The following RBL1 variants were observed in gnomAD, a reference collection of about 807,000 sequenced individuals.
The protein encoded by RBL1 is RB transcriptional corepressor like 1, also known as retinoblastoma-like protein 1.
In RBL1, 82 loss-of-function variants were observed where a neutral mutation model predicts 123.0. The ratio of observed to expected loss-of-function variants is 0.67; its 90% CI spans 0.56 to 0.80. RBL1 has a LOEUF of 0.80. RBL1 is among the 30% of genes least tolerant of loss of function. RBL1 has a pLI of 0.00. For missense variants in RBL1, 1,171 were observed against 1,299.6 expected, an observed-to-expected ratio of 0.90 and a Z score of 1.52; for synonymous variants, 405 against 441.3, an observed-to-expected ratio of 0.92 and a Z score of 1.03.
intron 1 of RBL1, among the ~76,000 whole-genome samples, chr20:37,089,508 G>T (rs1297410348): frequency 6.6e-6 from 1 of 151,978 alleles, no homozygotes; most frequent in South Asian, 2.1e-4. Context: ...GCCAGGCATG[G>T]TGGTGCTTGC....
At position 37,018,375 on chromosome 20, in the gene RBL1, T is replaced by C; in HGVS notation, c.2632-6A>G. ...AGCAGAACACTTCTATATACCTACA[T>C]GCCAGAGGGGAAGAAAAGGACAGCT... On this transcript the variant is annotated splice_region_variant and splice_polypyrimidine_tract_variant and intron_variant, in intron 18 of 21. Transcript: ENST00000373664. 6.3e-7 allele frequency: 1 copy of C among 1,597,974 alleles called. No homozygotes were observed.
Position 36,998,879 on chromosome 20 carries a change from C to G in RBL1, c.3087G>C (p.Lys1029Asn). 6.2e-7 allele frequency: 1 copy of G among 1,613,700 alleles called. No homozygotes were observed. Among genetic ancestry groups the G allele is most frequent in the South Asian group, 1.1e-5 (1 of 91,066 alleles). Reference sequence around the variant, plus strand: ...CACTATCGATGGCTATTACTCGCTTCTTGGTTCTCTGCTCACCTTGCCTTA... The same window carrying G: ...CACTATCGATGGCTATTACTCGCTTGTTGGTTCTCTGCTCACCTTGCCTTA... ...NMIRQGEQRT[K>N]KRVIAIDSDA... The change falls in exon 22 of 22, where the codon AAG becomes AAC. Residue 1029 changes from lysine (K) to asparagine (N), a missense_variant. Transcript: ENST00000373664.
chr20:37,032,622 A>G (rs749645801), intron 16 of RBL1, 43 bp downstream of exon 16: 3 of 1,603,708 alleles, frequency 1.9e-6, no homozygotes, highest in Non-Finnish European at 2.6e-6. Context: ...TCTTTCTTCC[A>G]TTGATTAAAC....
intron 1 of RBL1, among the ~76,000 whole-genome samples, chr20:37,095,268 G>A (rs6031364): frequency 6.6e-6 from 1 of 152,016 alleles, no homozygotes; most frequent in Non-Finnish European, 1.5e-5. Flanking sequence ...GAGGTTAAAC[G>A]GCTCAGACCC....
chr20:37,009,888 G>T (rs190520671), intron 19 of RBL1, among the ~76,000 whole-genome samples: 2 of 152,086 alleles, frequency 1.3e-5, no homozygotes, highest in East Asian at 1.9e-4. Context: ...AACTAGGTGT[G>T]GTGGCATGCA....
At chr20:37,037,300 T>C (rs930550934) in intron 14 of RBL1, among the ~76,000 whole-genome samples, 2 of 152,218 alleles carry the variant, frequency 1.3e-5, no homozygotes, top group African/African-American at 2.4e-5. Context: ...GGAACAGCTA[T>C]GGTGGATGCT....
chr20:37,082,107 T>C (rs1008268860), intron 2 of RBL1: 3 of 439,976 alleles, frequency 6.8e-6, no homozygotes, highest in Non-Finnish European at 1.4e-5. Flanking sequence ...GGTTTCTCCC[T>C]CACTAAGGGA....
intron 7 of RBL1, among the ~76,000 whole-genome samples, chr20:37,063,467 A>G (rs1057124776): frequency 6.6e-6 from 1 of 152,154 alleles, no homozygotes; most frequent in Non-Finnish European, 1.5e-5. Context: ...TGGGCAACAC[A>G]GTGAGATCCC....
At chr20:37,005,068 C>T (rs1429922314) in intron 20 of RBL1, among the ~76,000 whole-genome samples, 3 of 151,820 alleles carry the variant, frequency 2.0e-5, no homozygotes, top group South Asian at 2.1e-4. Flanking sequence ...CTGGACAAGA[C>T]ACCAGGAGTT....
intron 12 of RBL1, among the ~76,000 whole-genome samples, chr20:37,045,414 T>A (rs1447381925): frequency 6.6e-6 from 1 of 151,866 alleles, no homozygotes; most frequent in Non-Finnish European, 1.5e-5. Context: ...CCCACATTTA[T>A]GTTTATGATT....
intron 2 of RBL1, chr20:37,082,065 G>A (rs1353264601): frequency 1.1e-5 from 5 of 454,842 alleles, no homozygotes; most frequent in Non-Finnish European, 1.8e-5. Context: ...CTCTATGCCG[G>A]GGGAGCCTGC....
At chr20:37,069,991 G>A (rs1227766341) in intron 2 of RBL1, among the ~76,000 whole-genome samples, 3 of 152,292 alleles carry the variant, frequency 2.0e-5, no homozygotes, top group Non-Finnish European at 4.4e-5. Flanking sequence ...CATTGAGAAC[G>A]GGCCAGGATG....
At chr20:37,040,099 A>G in intron 14 of RBL1, 54 bp downstream of exon 14, 1 of 1,598,868 alleles carries the variant, frequency 6.3e-7, no homozygotes, top group Non-Finnish European at 8.5e-7. Context: ...TTCCCTGAAA[A>G]AAAGCCAAAT....
intron 9 of RBL1, among the ~76,000 whole-genome samples, chr20:37,060,774 C>A (rs1454043544): frequency 6.6e-6 from 1 of 151,346 alleles, no homozygotes; most frequent in Non-Finnish European, 1.5e-5. Flanking sequence ...CATAGCGAGA[C>A]CCTGTCTCAA....
chr20:36,998,213 A>G lies in RBL1; in HGVS notation c.*546T>C, dbSNP rs1016863504. On this transcript the variant is annotated 3_prime_UTR_variant, in exon 22 of 22. Coordinates refer to ENST00000373664, the MANE Select transcript of RBL1 (RefSeq NM_002895.5). ...ACTCAAGGAGCAAACATTAAAAAAA[A>G]TTCCCTATTTATATATATATATATA... 6.6e-6 allele frequency: 1 copy of G among 151,498 alleles called. No homozygotes were observed. The highest frequency in any genetic ancestry group is 6.6e-5 in the Admixed American group (1 of 15,222). 9.4% of individuals were successfully genotyped at this position (151,498 alleles called of 1,614,324 possible).
chr20:37,026,063 C>G (rs768237250), intron 16 of RBL1, among the ~76,000 whole-genome samples: 1 of 151,984 alleles, frequency 6.6e-6, no homozygotes, highest in Admixed American at 6.6e-5. Context: ...TCTTAATGGT[C>G]GTGGTAACCA....
At chr20:37,088,082 A>G (rs1373992594) in intron 2 of RBL1, among the ~76,000 whole-genome samples, 4 of 152,020 alleles carry the variant, frequency 2.6e-5, no homozygotes, top group Non-Finnish European at 5.9e-5. Flanking sequence ...CTGACCAAAC[A>G]TGGAGTAACT....
In RBL1 at chr20:37,056,253, C is replaced by A; in HGVS notation, c.1256G>T (p.Cys419Phe). Residue 419 changes from cysteine to phenylalanine, a missense_variant, in exon 10 of 22, where the codon TGT becomes TTT. Physicochemically the swap from Cys to Phe is radical, Grantham distance 205. Coordinates refer to ENST00000373664, the MANE Select transcript of RBL1 (RefSeq NM_002895.5). ...SDQLINIFESCVRNPVENIMK... is the reference protein window; with the variant it reads ...SDQLINIFESFVRNPVENIMK... ...AATGTTTTCCACAGGATTACGCACA[C>A]AAGATCTACAAAATACAAGAGGAAC... 6.3e-7 allele frequency: 1 copy of A among 1,586,332 alleles called. No individual in the cohort carries two copies. The highest frequency in any genetic ancestry group is 8.6e-7 in the Non-Finnish European group (1 of 1,168,702).
At chr20:37,067,421 A>G (rs1290250441) in intron 3 of RBL1, 124 bp from the exon 4 acceptor site, 2 of 788,254 alleles carry the variant, frequency 2.5e-6, no homozygotes, top group African/African-American at 3.6e-5. Context: ...GAAGAAAAGT[A>G]ATCTATTATT....
Sources: gnomAD v4.1 joint callset for allele counts (sites outside exome capture counted in the v4.1 genomes callset) on GRCh38, gnomAD v4.1.1 for gene constraint, MANE v1.5 for transcripts, NCBI Gene and HGNC (gene_info 2026-07-23, HGNC 2026-07-21) for gene names.